The following EXT1 variants were observed in gnomAD, a reference collection of about 807,000 sequenced individuals.
EXT1 encodes exostosin glycosyltransferase 1.
A neutral mutation model predicts 82.5 loss-of-function variants in EXT1; 20 were observed. That is an observed-to-expected ratio of 0.24 (90% CI 0.17 to 0.35). EXT1 has a LOEUF of 0.35. Among genes scored for constraint, EXT1 ranks in the 10% least tolerant of loss-of-function variants. The probability of loss-of-function intolerance (pLI) is 1.00; values close to 1 mark genes in which losing one functional copy is unlikely to be tolerated. For synonymous variants in EXT1, 348 were observed against 350.8 expected (o/e 0.99, Z 0.09); for missense variants, 757 against 936.5 (o/e 0.81, Z 2.50).
Position 117,970,497 on chromosome 8 carries a change from G to C in EXT1, c.963-133296C>G, listed in dbSNP as rs534076706. 3.9e-5 allele frequency among the ~76,000 whole-genome samples: 6 copies of C among 152,056 alleles called. No individual in the cohort carries two copies. The South Asian group carries it at 1.2e-3, about 32-fold the overall frequency. On this transcript the variant is annotated intron_variant, in intron 1 of 10. Coordinates refer to ENST00000378204, the MANE Select transcript of EXT1 (RefSeq NM_000127.3). ...TTTTTTGGTATTTTTAGTAGAGATG[G>C]GGTTTCATCATATTGGTCAGGCTGG... is the stretch of plus-strand genomic sequence containing the variant.
Position 118,040,670 on chromosome 8 carries a change from T to C in EXT1, c.962+69415A>G, listed in dbSNP as rs147574934. 9.2e-5 allele frequency among the ~76,000 whole-genome samples: 14 copies of C among 152,312 alleles called. No homozygotes were observed. In the East Asian group the frequency reaches 2.5e-3, roughly 27 times the overall value. ...CTCCTGCAGCTTCTATTAAAACACTTACCACATTCTACCCCATTTCCAAAA... is the reference window on the plus strand; with the variant it reads ...CTCCTGCAGCTTCTATTAAAACACTCACCACATTCTACCCCATTTCCAAAA... On this transcript the variant is annotated intron_variant, in intron 1 of 10. Coordinates refer to ENST00000378204, the MANE Select transcript of EXT1 (RefSeq NM_000127.3).
At chr8:118,105,649 C>G (rs1323451163) in intron 1 of EXT1, among the ~76,000 whole-genome samples, 2 of 152,142 alleles carry the variant, frequency 1.3e-5, no homozygotes, top group African/African-American at 4.8e-5. Context: ...CTGGCCCTAC[C>G]TTATTTTTTA....
At chr8:117,969,083 G>T (rs1443550088) in intron 1 of EXT1, among the ~76,000 whole-genome samples, 1 of 151,804 alleles carries the variant, frequency 6.6e-6, no homozygotes, top group Non-Finnish European at 1.5e-5. Flanking sequence ...AATAATTAGG[G>T]AAAAAAACAA....
At chr8:118,036,322 T>C (rs1465486911) in intron 1 of EXT1, among the ~76,000 whole-genome samples, 1 of 152,056 alleles carries the variant, frequency 6.6e-6, no homozygotes, top group African/African-American at 2.4e-5. Flanking sequence ...AATCCCCCTA[T>C]CGCCTTCCCT....
intron 1 of EXT1, among the ~76,000 whole-genome samples, chr8:118,100,589 T>C (rs1388035848): frequency 6.6e-6 from 1 of 151,696 alleles, no homozygotes; most frequent in Non-Finnish European, 1.5e-5. Context: ...CTATTCAAAA[T>C]ACAAAAATTA....
chr8:118,035,819 T>TA (rs1458611602), intron 1 of EXT1, among the ~76,000 whole-genome samples: 1 of 152,158 alleles, frequency 6.6e-6, no homozygotes, highest in Non-Finnish European at 1.5e-5. Context: ...TCTTCCAAGT[T>TA]AAAAAAAGGT....
chr8:117,954,407 G>A (rs1161597576), intron 1 of EXT1, among the ~76,000 whole-genome samples: 1 of 152,166 alleles, frequency 6.6e-6, no homozygotes, highest in Non-Finnish European at 1.5e-5. Flanking sequence ...ATGTCCATTT[G>A]TGACCCAAAC....
At chr8:118,052,751 G>A (rs977663690) in intron 1 of EXT1, among the ~76,000 whole-genome samples, 1 of 152,212 alleles carries the variant, frequency 6.6e-6, no homozygotes, top group Non-Finnish European at 1.5e-5. Flanking sequence ...GGTGAGTAAG[G>A]AAAGTTAACA....
intron 4 of EXT1, among the ~76,000 whole-genome samples, chr8:117,825,080 C>T (rs1443343703): frequency 1.3e-5 from 2 of 152,072 alleles, no homozygotes; most frequent in Non-Finnish European, 2.9e-5. Context: ...TTATGTTGCT[C>T]AGGCTGGACT....
intron 3 of EXT1, among the ~76,000 whole-genome samples, chr8:117,833,548 G>A (rs7818822): frequency 6.6e-6 from 1 of 151,988 alleles, no homozygotes; most frequent in African/African-American, 2.4e-5. Flanking sequence ...CCGGGAGGTG[G>A]AGGTTGCAGT....
In EXT1 at chr8:118,011,296, G is replaced by A. The variant is rs577359307; in HGVS notation, c.962+98789C>T. Among the ~76,000 whole-genome samples the A allele has an allele frequency of 1.8e-4, 28 of 152,288 alleles. No individual in the cohort carries two copies. The South Asian group carries it at 5.8e-3, about 32-fold the overall frequency. On this transcript the variant is annotated intron_variant, in intron 1 of 10. Coordinates refer to ENST00000378204, the MANE Select transcript of EXT1 (RefSeq NM_000127.3). ...CTACAAAGAGGCAGGACTCGTGTCT[G>A]TCTCATAATACTCCATTCCCCAGCC...
chr8:117,888,576 C>T (rs1813190326), intron 1 of EXT1, among the ~76,000 whole-genome samples: 1 of 152,112 alleles, frequency 6.6e-6, no homozygotes, highest in Non-Finnish European at 1.5e-5. Context: ...AAGCTGAATG[C>T]TTGCTGGACA....
At chr8:118,108,576 G>T (rs114923889) in intron 1 of EXT1, among the ~76,000 whole-genome samples, 1 of 152,198 alleles carries the variant, frequency 6.6e-6, no homozygotes, top group Non-Finnish European at 1.5e-5. Context: ...CTGGATGAGA[G>T]GAAAATATGG....
chr8:118,100,516 G>A (rs868651465), intron 1 of EXT1, among the ~76,000 whole-genome samples: 9 of 152,214 alleles, frequency 5.9e-5, no homozygotes, highest in Middle Eastern at 3.4e-3. Flanking sequence ...TTGGGAGGCC[G>A]AGGCAGGTGG....
intron 1 of EXT1, among the ~76,000 whole-genome samples, chr8:117,905,933 C>T (rs1813536284): frequency 2.0e-5 from 3 of 152,194 alleles, no homozygotes; most frequent in Admixed American, 1.3e-4. Flanking sequence ...CTTCCAAGCC[C>T]CTCCGCTTGC....
At chr8:117,815,164 G>A (rs1031013179) in intron 7 of EXT1, among the ~76,000 whole-genome samples, 6 of 152,174 alleles carry the variant, frequency 3.9e-5, no homozygotes, top group Admixed American at 2.0e-4. Context: ...ACTGACTAAC[G>A]CAGAAACCAT....
intron 1 of EXT1, among the ~76,000 whole-genome samples, chr8:117,853,053 C>T (rs188820829): frequency 6.6e-6 from 1 of 152,274 alleles, no homozygotes; most frequent in African/African-American, 2.4e-5. Flanking sequence ...GTTCAGAATG[C>T]AGTGCTTTGA....
intron 1 of EXT1, among the ~76,000 whole-genome samples, chr8:117,944,814 A>T (rs576231761): frequency 6.6e-6 from 1 of 152,324 alleles, no homozygotes; most frequent in South Asian, 2.1e-4. Flanking sequence ...AATGAAAATA[A>T]TATCACCATT....
At chr8:117,997,262 TAC>T (rs930304252) in intron 1 of EXT1, among the ~76,000 whole-genome samples, 1 of 121,874 alleles carries the variant, frequency 8.2e-6, no homozygotes, top group East Asian at 2.4e-4. Context: ...TATATATATA[TAC>T]ACACTTTATA....
Sources: allele counts gnomAD v4.1 joint callset (sites outside exome capture counted in the v4.1 genomes callset), GRCh38; gene constraint gnomAD v4.1.1; transcripts MANE v1.5; gene names NCBI Gene and HGNC (gene_info 2026-07-23, HGNC 2026-07-21).